ERI3: variants seen among roughly 807,000 people sequenced by gnomAD.
ERI3 encodes ERI1 exoribonuclease 3.
In ERI3, 18 loss-of-function variants were observed where a neutral mutation model predicts 44.4. The ratio of observed to expected loss-of-function variants is 0.41; its 90% CI spans 0.28 to 0.60. The LOEUF (loss-of-function observed/expected upper bound fraction) is 0.60, where lower values mean the gene tolerates loss of function less well. Ranked by LOEUF, ERI3 falls within the 20% of genes least tolerant of loss-of-function variation. ERI3 has a pLI of 0.36. For missense variants in ERI3, 294 were observed against 435.5 expected (o/e 0.68, Z 2.89); for synonymous variants, 183 against 164.8 (o/e 1.11, Z -0.84).
At chr1:44,321,264 T>C (rs577985568) in intron 3 of ERI3, among the ~76,000 whole-genome samples, 10 of 152,206 alleles carry the variant, frequency 6.6e-5, no homozygotes, top group Admixed American at 2.6e-4. Flanking sequence ...AAGATTGTGG[T>C]TGCCTTGTCT....
intron 3 of ERI3, among the ~76,000 whole-genome samples, chr1:44,322,247 A>G (rs2154329377): frequency 6.6e-6 from 1 of 152,296 alleles, no homozygotes; most frequent in South Asian, 2.1e-4. Context: ...GCAGCAAATA[A>G]CAGCAAATAC....
At chr1:44,318,683 A>T (rs1308588800) in intron 4 of ERI3, among the ~76,000 whole-genome samples, 2 of 152,230 alleles carry the variant, frequency 1.3e-5, no homozygotes, top group Non-Finnish European at 2.9e-5. Flanking sequence ...GCTCATCCCC[A>T]GCCTTCTTAC....
chr1:44,296,442 G>C (rs1189668092), intron 6 of ERI3, among the ~76,000 whole-genome samples: 1 of 152,150 alleles, frequency 6.6e-6, no homozygotes, highest in Non-Finnish European at 1.5e-5. Context: ...TTACAGTCCT[G>C]ACAGTCAGAG....
chr1:44,278,684 T>C (rs562522631), intron 7 of ERI3, among the ~76,000 whole-genome samples: 37 of 152,206 alleles, frequency 2.4e-4, no homozygotes, highest in African/African-American at 8.4e-4. Context: ...GCAACCTCCA[T>C]TGCCTCCCGG....
In ERI3 at chr1:44,259,370, A is replaced by G. The variant is rs569934853; in HGVS notation, c.832-11332T>C. 3.3e-5 allele frequency among the ~76,000 whole-genome samples: 5 copies of G among 152,212 alleles called. No homozygotes were observed. In the South Asian group the frequency reaches 8.3e-4, roughly 25 times the overall value. ...CTAAGGCCTGGAAGGAATCAAATCAACGCCAGAGTCCCTGAGCACAGAAAA... is the reference window on the plus strand; with the variant it reads ...CTAAGGCCTGGAAGGAATCAAATCAGCGCCAGAGTCCCTGAGCACAGAAAA... On this transcript the variant is annotated intron_variant, in intron 7 of 8. Coordinates refer to ENST00000372257, the MANE Select transcript of ERI3 (RefSeq NM_024066.3).
chr1:44,336,334 A>C (rs779876325), intron 3 of ERI3, among the ~76,000 whole-genome samples: 4 of 152,194 alleles, frequency 2.6e-5, no homozygotes, highest in Non-Finnish European at 5.9e-5. Flanking sequence ...AAGCTCTCCC[A>C]TAAAAAAGGG....
At chr1:44,314,656 G>T (rs1052464796) in intron 4 of ERI3, among the ~76,000 whole-genome samples, 3 of 152,180 alleles carry the variant, frequency 2.0e-5, no homozygotes, top group African/African-American at 7.2e-5. Flanking sequence ...GGTCCGCTAA[G>T]GGCTGGGGGG....
chr1:44,305,430 G>A (rs1645811836), intron 6 of ERI3, among the ~76,000 whole-genome samples: 1 of 152,180 alleles, frequency 6.6e-6, no homozygotes, highest in South Asian at 2.1e-4. Context: ...AAGAAAAAGT[G>A]GGTCAGGTAG....
At chr1:44,339,895 G>T (rs151193458) in intron 2 of ERI3, among the ~76,000 whole-genome samples, 1 of 152,264 alleles carries the variant, frequency 6.6e-6, no homozygotes, top group East Asian at 1.9e-4. Flanking sequence ...GCGAATCACA[G>T]GGGTTTGCTC....
At chr1:44,257,783 T>C (rs1644809752) in intron 7 of ERI3, among the ~76,000 whole-genome samples, 1 of 152,196 alleles carries the variant, frequency 6.6e-6, no homozygotes, top group Admixed American at 6.5e-5. Flanking sequence ...TGTCTCTGCC[T>C]CTTGGTCCTA....
intron 6 of ERI3, among the ~76,000 whole-genome samples, chr1:44,301,748 A>AT (rs1255418121): frequency 6.6e-6 from 1 of 152,170 alleles, no homozygotes; most frequent in Non-Finnish European, 1.5e-5. Flanking sequence ...CTGAGGAGGA[A>AT]TTGCGGTCTT....
At chr1:44,333,721 C>G (rs1646476835) in intron 3 of ERI3, among the ~76,000 whole-genome samples, 1 of 152,180 alleles carries the variant, frequency 6.6e-6, no homozygotes, top group Non-Finnish European at 1.5e-5. Flanking sequence ...CAAAATGTCT[C>G]TTTCACAAAA....
intron 5 of ERI3, among the ~76,000 whole-genome samples, chr1:44,310,962 C>G (rs1308740274): frequency 1.2e-5 from 1 of 81,508 alleles, no homozygotes. Context: ...CGCGCGCGCG[C>G]GCACACACAC....
At chr1:44,263,276 G>A (rs1644928932) in intron 7 of ERI3, among the ~76,000 whole-genome samples, 1 of 152,206 alleles carries the variant, frequency 6.6e-6, no homozygotes, top group Non-Finnish European at 1.5e-5. Context: ...GAGGTCAGGG[G>A]CTGAAAACGA....
intron 8 of ERI3, among the ~76,000 whole-genome samples, chr1:44,236,719 G>A (rs1268864657): frequency 2.0e-5 from 3 of 152,092 alleles, no homozygotes; most frequent in Non-Finnish European, 4.4e-5. Context: ...AGAGGACAGA[G>A]GCTGTGAGTC....
chr1:44,346,345 G>C (rs1399066151), intron 2 of ERI3, among the ~76,000 whole-genome samples: 1 of 152,188 alleles, frequency 6.6e-6, no homozygotes, highest in East Asian at 1.9e-4. Context: ...CCTTCAACTG[G>C]TCTGTTTCAG....
chr1:44,328,740 T>C (rs1646367685), intron 3 of ERI3, among the ~76,000 whole-genome samples: 2 of 152,350 alleles, frequency 1.3e-5, no homozygotes, highest in East Asian at 3.9e-4. Flanking sequence ...AGAACATTTA[T>C]GTGACTAACT....
intron 7 of ERI3, among the ~76,000 whole-genome samples, chr1:44,255,133 G>A (rs936946042): frequency 6.6e-6 from 1 of 152,104 alleles, no homozygotes; most frequent in African/African-American, 2.4e-5. Context: ...CCTATGTTAA[G>A]TTTTAGATTA....
intron 7 of ERI3, among the ~76,000 whole-genome samples, chr1:44,273,789 G>A (rs901038546): frequency 7.2e-5 from 11 of 152,222 alleles, no homozygotes; most frequent in African/African-American, 2.2e-4. Context: ...GGATGAACAG[G>A]AGTTTCCCAA....
Sources: gnomAD v4.1 joint callset for allele counts (sites outside exome capture counted in the v4.1 genomes callset) on GRCh38, gnomAD v4.1.1 for gene constraint, MANE v1.5 for transcripts, NCBI Gene and HGNC (gene_info 2026-07-23, HGNC 2026-07-21) for gene names.